The following PDZD2 variants were observed in gnomAD, a reference collection of about 807,000 sequenced individuals.
PDZD2 encodes PDZ domain-containing protein 2.
A neutral mutation model predicts 220.7 loss-of-function variants in PDZD2; 90 were observed. The observed-to-expected ratio is 0.41, with a 90% CI of 0.34 to 0.49. The LOEUF (loss-of-function observed/expected upper bound fraction) is 0.49, where lower values mean the gene tolerates loss of function less well. Among genes scored for constraint, PDZD2 ranks in the 20% least tolerant of loss-of-function variants. The pLI is 0.28. For missense variants in PDZD2, 3,174 were observed against 3,608.5 expected, an observed-to-expected ratio of 0.88 and a Z score of 3.08; for synonymous variants, 1,375 against 1,450.5, an observed-to-expected ratio of 0.95 and a Z score of 1.18.
intron 1 of PDZD2, among the ~76,000 whole-genome samples, chr5:31,669,033 G>T (rs1194815076): frequency 6.6e-6 from 1 of 152,130 alleles, no homozygotes; most frequent in East Asian, 1.9e-4. Flanking sequence ...TGCCCCAGGG[G>T]ACACTGGCAA....
intron 5 of PDZD2, among the ~76,000 whole-genome samples, chr5:32,007,061 G>A (rs1752883677): frequency 1.3e-5 from 2 of 151,782 alleles, no homozygotes; most frequent in Non-Finnish European, 1.5e-5. Context: ...GACTACAGGC[G>A]CCCGCCACCA....
intron 21 of PDZD2, among the ~76,000 whole-genome samples, chr5:32,096,620 T>C (rs929647717): frequency 2.0e-5 from 3 of 151,842 alleles, no homozygotes; most frequent in Non-Finnish European, 4.4e-5. Flanking sequence ...CGCCTAGCCA[T>C]GCTATTTTTT....
intron 1 of PDZD2, among the ~76,000 whole-genome samples, chr5:31,760,186 A>C (rs775217570): frequency 1.3e-5 from 2 of 152,154 alleles, no homozygotes; most frequent in Non-Finnish European, 2.9e-5. Context: ...ACTCAGGCAC[A>C]ATTGCATTAA....
intron 2 of PDZD2, among the ~76,000 whole-genome samples, chr5:31,978,447 T>C (rs1374966246): frequency 6.6e-6 from 1 of 152,092 alleles, no homozygotes; most frequent in Non-Finnish European, 1.5e-5. Flanking sequence ...TGGCCAGGCA[T>C]GGTGGCTCAC....
At position 31,898,852 on chromosome 5, in the gene PDZD2, C is replaced by T. The variant is rs189586865; in HGVS notation, c.477-84303C>T. 9.4e-4 allele frequency among the ~76,000 whole-genome samples: 128 copies of T among 136,250 alleles called. 1 individual carries two copies. In the East Asian group the frequency reaches 0.022, roughly 24 times the overall value. 89.4% of individuals were successfully genotyped at this position (136,250 alleles called of 152,430 possible). A position where few individuals can be genotyped will look rare whatever the true frequency, so the allele number is the denominator to read the frequency against. ...GTTTTTTTTCTTTGTTTGTTTGAGA[C>T]GGAGTCTCGCTCTGTCACCCAGGCT... On this transcript the variant is annotated intron_variant, in intron 2 of 24. Transcript: ENST00000438447.
At chr5:31,954,270 T>C (rs539549393) in intron 2 of PDZD2, among the ~76,000 whole-genome samples, 3 of 152,242 alleles carry the variant, frequency 2.0e-5, no homozygotes, top group Non-Finnish European at 4.4e-5. Flanking sequence ...CATGATTTCC[T>C]CAACGTTCTT....
At chr5:31,914,390 C>T (rs1743495618) in intron 2 of PDZD2, among the ~76,000 whole-genome samples, 1 of 152,140 alleles carries the variant, frequency 6.6e-6, no homozygotes, top group Non-Finnish European at 1.5e-5. Context: ...ATCAGCCAGG[C>T]ATGGTGGTGG....
intron 1 of PDZD2, among the ~76,000 whole-genome samples, chr5:31,770,923 G>C (rs1752304350): frequency 1.3e-5 from 2 of 151,952 alleles, no homozygotes; most frequent in African/African-American, 2.4e-5. Context: ...GTGCCCCTCA[G>C]GTTTTGCAGG....
At chr5:31,778,913 T>TAAATGATATTTAGTGATATTTAGTGAATA (rs1752883151) in intron 1 of PDZD2, among the ~76,000 whole-genome samples, 1 of 152,226 alleles carries the variant, frequency 6.6e-6, no homozygotes, top group South Asian at 2.1e-4. Context: ...GTGAATATCC[T>TAAATGATATTTAGTGATATTTAGTGAATA]TCAAAGACTT....
chr5:31,822,969 C>G (rs926932737), intron 2 of PDZD2: 1 of 1,132,986 alleles, frequency 8.8e-7, no homozygotes, highest in Non-Finnish European at 1.3e-6. Context: ...ATTTGTCAAC[C>G]CGGGGCCTCT....
chr5:31,894,275 G>A (rs1741335642), intron 2 of PDZD2, among the ~76,000 whole-genome samples: 1 of 151,918 alleles, frequency 6.6e-6, no homozygotes, highest in Non-Finnish European at 1.5e-5. Flanking sequence ...TCGACCAAAA[G>A]ACATTTAGTC....
At chr5:32,019,856 C>T (rs991653251) in intron 6 of PDZD2, among the ~76,000 whole-genome samples, 2 of 152,006 alleles carry the variant, frequency 1.3e-5, no homozygotes, top group African/African-American at 4.8e-5. Context: ...TAATGACTTT[C>T]TCACGGGAGG....
At chr5:31,790,959 A>G (rs891301364) in intron 1 of PDZD2, among the ~76,000 whole-genome samples, 1 of 151,836 alleles carries the variant, frequency 6.6e-6, no homozygotes, top group Non-Finnish European at 1.5e-5. Flanking sequence ...CGGCCTCCCA[A>G]AGTGCTGGGA....
intron 2 of PDZD2, among the ~76,000 whole-genome samples, chr5:31,869,579 C>A (rs889951570): frequency 5.9e-5 from 9 of 151,654 alleles, no homozygotes; most frequent in Admixed American, 2.0e-4. Context: ...AAAAAAAAAA[C>A]AAAAGAAAAA....
In PDZD2 at chr5:31,868,773, T is replaced by G. The variant is rs534871997; in HGVS notation, c.476+69049T>G. Among the ~76,000 whole-genome samples, 276 of 152,108 alleles carry G rather than the reference T, an allele frequency of 1.8e-3. 1 individual carries two copies. The highest frequency in any genetic ancestry group is 6.1e-3 in the African/African-American group (253 of 41,492). On this transcript the variant is annotated intron_variant, in intron 2 of 24. Coordinates refer to ENST00000438447, the MANE Select transcript of PDZD2 (RefSeq NM_178140.4). ...AAATGAGGCTTGCGTTAAAGGTGAGTTTTTTTGTTTGTTTTTGAGACAGAG... is the reference window on the plus strand; with the variant it reads ...AAATGAGGCTTGCGTTAAAGGTGAGGTTTTTTGTTTGTTTTTGAGACAGAG...
intron 3 of PDZD2, among the ~76,000 whole-genome samples, chr5:31,991,146 G>C (rs141227817): frequency 1.3e-5 from 2 of 152,164 alleles, no homozygotes; most frequent in Non-Finnish European, 2.9e-5. Flanking sequence ...CCTTATTCTC[G>C]GTCCTGTGGG....
intron 1 of PDZD2, among the ~76,000 whole-genome samples, chr5:31,665,651 C>A (rs79477328): frequency 2.1e-5 from 3 of 144,046 alleles, no homozygotes; most frequent in African/African-American, 7.7e-5. Context: ...CCCTCCCCCC[C>A]CTCCCTTTCC....
chr5:31,839,949 G>A (rs975391398), intron 2 of PDZD2, among the ~76,000 whole-genome samples: 1 of 152,138 alleles, frequency 6.6e-6, no homozygotes, highest in Admixed American at 6.6e-5. Context: ...GTTTCCTGTG[G>A]CCTCCCCAGC....
intron 2 of PDZD2, among the ~76,000 whole-genome samples, chr5:31,894,554 C>A (rs573747419): frequency 6.6e-6 from 1 of 152,058 alleles, no homozygotes; most frequent in Admixed American, 6.6e-5. Context: ...CTCTTCAATC[C>A]CACCACTCAG....
Sources: allele counts gnomAD v4.1 joint callset (sites outside exome capture counted in the v4.1 genomes callset), GRCh38; gene constraint gnomAD v4.1.1; transcripts MANE v1.5; gene names NCBI Gene and HGNC (gene_info 2026-07-23, HGNC 2026-07-21).